KATNA1: variants seen among roughly 807,000 people sequenced by gnomAD.
KATNA1 encodes katanin p60 ATPase-containing subunit A1.
In KATNA1, 42 loss-of-function variants were observed where a neutral mutation model predicts 62.6. That is an observed-to-expected ratio of 0.67 (90% confidence interval 0.52 to 0.87). The LOEUF (loss-of-function observed/expected upper bound fraction) is 0.87. Ranked by LOEUF, KATNA1 falls within the 40% of genes least tolerant of loss-of-function variation. The probability of loss-of-function intolerance (pLI) is 0.00; values close to 1 mark genes in which losing one functional copy is unlikely to be tolerated. For synonymous variants in KATNA1, 186 were observed against 201.9 expected (o/e 0.92, Z 0.67); for missense variants, 498 against 612.5 (o/e 0.81, Z 1.97).
At position 149,613,179 on chromosome 6, in the gene KATNA1, CAAAAAAAAAAAAAAAAAAAA is replaced by C. The variant is rs71270309; in HGVS notation, c.502-8417_502-8398del. Among the ~76,000 whole-genome samples the C allele has an allele frequency of 5.9e-3, 74 of 12,574 alleles. 1 individual carries two copies. The South Asian group carries it at 0.18, about 31-fold the overall frequency. The allele number at this position is 12,574 out of a possible 152,430, so 8.2% of individuals were successfully genotyped here. On this transcript the variant is annotated intron_variant, in intron 4 of 10. Coordinates refer to ENST00000367411, the MANE Select transcript of KATNA1 (RefSeq NM_007044.4). Reference sequence around the variant, plus strand: ...TGGGCAACAGAGCGAGACTCTGTCTCAAAAAAAAAAAAAAAAAAAAAAAAAAAAAAAAAAAAAAGAACATC... The same window carrying C: ...TGGGCAACAGAGCGAGACTCTGTCTCAAAAAAAAAAAAAAAAAAGAACATC...
intron 2 of KATNA1, among the ~76,000 whole-genome samples, chr6:149,636,787 C>A (rs1371462651): frequency 2.0e-5 from 3 of 151,524 alleles, no homozygotes; most frequent in Non-Finnish European, 4.4e-5. Flanking sequence ...ATTACAGATG[C>A]CCGCCACTAT....
In KATNA1 at chr6:149,594,876, TC is replaced by T; in HGVS notation, c.*159del. On this transcript the variant is annotated 3_prime_UTR_variant, in exon 11 of 11. Transcript: ENST00000367411. ...AGTAATGCTAAAGTAAAACAAATTT[TC>T]AGCTTAAAAATATTGCCTTTATTCA... 1 of 549,774 alleles carries T rather than the reference TC, an allele frequency of 1.8e-6. No homozygotes were observed. Among genetic ancestry groups the T allele is most frequent in the Non-Finnish European group, 3.1e-6 (1 of 326,028 alleles). 34.1% of individuals were successfully genotyped at this position (549,774 alleles called of 1,614,324 possible). A position where few individuals can be genotyped will look rare whatever the true frequency, so the allele number is the denominator to read the frequency against.
Position 149,638,389 on chromosome 6 carries a change from T to G in KATNA1, c.159A>C (p.Gln53His). The change falls in exon 2 of 11, where the codon CAA becomes CAC. Residue 53 changes from glutamine (Q) to histidine (H), a missense_variant. Coordinates refer to ENST00000367411, the MANE Select transcript of KATNA1 (RefSeq NM_007044.4). ...ATACAGCAGCCATTACTCTCACCTG[T>G]TGCCATTTCTGCTGGAGGTATGTAT... ...VKDTYLQQKW[Q>H]QVWQEINVEA... 6.2e-7 allele frequency: 1 copy of G among 1,611,850 alleles called. No homozygotes were observed. The highest frequency in any genetic ancestry group is 1.3e-5 in the African/African-American group (1 of 74,946).
At chr6:149,629,930 C>T (rs1247602797) in intron 3 of KATNA1, among the ~76,000 whole-genome samples, 1 of 152,088 alleles carries the variant, frequency 6.6e-6, no homozygotes, top group African/African-American at 2.4e-5. Flanking sequence ...TAGTACCTAC[C>T]TTCTAAGGTG....
Position 149,603,258 on chromosome 6 carries a change from A to G in KATNA1, c.729+10T>C, listed in dbSNP as rs749841655. ...TTACTTTGACAATGCCATCACAGTA[A>G]TAAACTTACTTTCCATGGTCTCCTA... On this transcript the variant is annotated intron_variant, in intron 6 of 10. Transcript: ENST00000367411. The G allele has an allele frequency of 9.0e-5, 110 of 1,227,592 alleles. No homozygotes were observed. The highest frequency in any genetic ancestry group is 9.4e-6 in the Non-Finnish European group (8 of 848,862). 76.0% of individuals were successfully genotyped at this position (1,227,592 alleles called of 1,614,324 possible). A position where few individuals can be genotyped will look rare whatever the true frequency, so the allele number is the denominator to read the frequency against.
At chr6:149,620,580 C>A (rs980907347) in intron 4 of KATNA1, among the ~76,000 whole-genome samples, 2 of 152,152 alleles carry the variant, frequency 1.3e-5, no homozygotes, top group African/African-American at 4.8e-5. Context: ...AGGAGTGAGC[C>A]AACATGCCCA....
intron 9 of KATNA1, 32 bp downstream of exon 9, chr6:149,597,475 C>G: frequency 1.9e-6 from 3 of 1,605,652 alleles, no homozygotes; most frequent in South Asian, 2.2e-5. Flanking sequence ...TGAAAGTTAA[C>G]AGGCTTTCTG....
intron 1 of KATNA1, among the ~76,000 whole-genome samples, chr6:149,642,727 C>T (rs1206672985): frequency 2.0e-5 from 3 of 151,996 alleles, no homozygotes; most frequent in African/African-American, 7.3e-5. Context: ...AATACATATG[C>T]TATATAAAAT....
At chr6:149,630,324 G>A (rs1357744742) in intron 3 of KATNA1, among the ~76,000 whole-genome samples, 1 of 152,200 alleles carries the variant, frequency 6.6e-6, no homozygotes, top group Admixed American at 6.5e-5. Flanking sequence ...CTTTTATGTG[G>A]AGATTAAGAA....
At chr6:149,630,825 C>T (rs1342522134) in intron 3 of KATNA1, among the ~76,000 whole-genome samples, 5 of 152,016 alleles carry the variant, frequency 3.3e-5, no homozygotes, top group African/African-American at 1.2e-4. Flanking sequence ...GCCCCTAAAT[C>T]CACGTTTTTA....
In KATNA1 at chr6:149,617,199, T is replaced by C. The variant is rs1405883171; in HGVS notation, c.501+5904A>G. On this transcript the variant is annotated intron_variant, in intron 4 of 10. Coordinates refer to ENST00000367411, the MANE Select transcript of KATNA1 (RefSeq NM_007044.4). ...ACTTTAATGGGTGTAGTGTTTCAGT[T>C]CTGAAAAATAAATAATGTTCTGTGG... Among the ~76,000 whole-genome samples the C allele has an allele frequency of 2.0e-5, 3 of 152,284 alleles. No individual in the cohort carries two copies. The East Asian group carries it at 5.8e-4, about 29-fold the overall frequency.
chr6:149,611,264 C>A (rs1393256013), intron 4 of KATNA1, among the ~76,000 whole-genome samples: 1 of 151,756 alleles, frequency 6.6e-6, no homozygotes, highest in Non-Finnish European at 1.5e-5. Flanking sequence ...GAGTTCGAGA[C>A]CAGCCTACCC....
chr6:149,602,193 C>G (rs1021627001), intron 6 of KATNA1, among the ~76,000 whole-genome samples: 1 of 152,048 alleles, frequency 6.6e-6, no homozygotes, highest in Non-Finnish European at 1.5e-5. Context: ...GGTGAAGCCC[C>G]GTTTCTACTA....
chr6:149,636,878 G>A (rs1181471877), intron 2 of KATNA1, among the ~76,000 whole-genome samples: 6 of 151,884 alleles, frequency 4.0e-5, no homozygotes, highest in Admixed American at 2.6e-4. Context: ...CTGACCTCAG[G>A]TGATCTGCCC....
intron 7 of KATNA1, among the ~76,000 whole-genome samples, chr6:149,600,639 T>C (rs548178667): frequency 1.3e-5 from 2 of 151,338 alleles, no homozygotes; most frequent in African/African-American, 4.8e-5. Context: ...TCAAAAAAAA[T>C]AGAATTCATG....
intron 4 of KATNA1, among the ~76,000 whole-genome samples, 162 bp downstream of exon 4, chr6:149,622,941 G>A (rs1178939066): frequency 6.6e-6 from 1 of 152,070 alleles, no homozygotes; most frequent in Non-Finnish European, 1.5e-5. Context: ...CCCAGGAGGT[G>A]GAAGTTGCAG....
intron 1 of KATNA1, among the ~76,000 whole-genome samples, chr6:149,638,958 C>T (rs1562302563): frequency 2.0e-5 from 3 of 151,096 alleles, no homozygotes; most frequent in African/African-American, 7.3e-5. Flanking sequence ...AGGCTGGTCT[C>T]GAACTCCTGA....
intron 2 of KATNA1, among the ~76,000 whole-genome samples, chr6:149,634,842 C>T (rs374041014): frequency 5.9e-5 from 9 of 152,118 alleles, no homozygotes; most frequent in East Asian, 3.9e-4. Context: ...CAATACAACA[C>T]TGATCAGAAT....
chr6:149,605,727 A>G (rs1399604539), intron 4 of KATNA1, among the ~76,000 whole-genome samples: 1 of 152,192 alleles, frequency 6.6e-6, no homozygotes, highest in East Asian at 1.9e-4. Context: ...CGATTCCTAC[A>G]TAAGACTGCT....
Sources: gnomAD v4.1 joint callset for allele counts (sites outside exome capture counted in the v4.1 genomes callset) on GRCh38, gnomAD v4.1.1 for gene constraint, MANE v1.5 for transcripts, NCBI Gene and HGNC (gene_info 2026-07-23, HGNC 2026-07-21) for gene names.